The following PLEKHA8 variants were observed in gnomAD, a reference collection of about 807,000 sequenced individuals.
PLEKHA8 encodes pleckstrin homology domain containing A8.
In PLEKHA8, 36 loss-of-function variants were observed where a neutral mutation model predicts 68.2. The observed-to-expected ratio is 0.53, with a 90% CI of 0.40 to 0.70. The LOEUF (loss-of-function observed/expected upper bound fraction) is 0.70. Ranked by LOEUF, PLEKHA8 falls within the 30% of genes least tolerant of loss-of-function variation. PLEKHA8 has a pLI of 0.00. For synonymous variants in PLEKHA8, 211 were observed against 216.1 expected (o/e 0.98, Z 0.20); for missense variants, 505 against 615.4 (o/e 0.82, Z 1.90).
intron 9 of PLEKHA8, among the ~76,000 whole-genome samples, chr7:30,058,940 A>C (rs1311360302): frequency 1.3e-5 from 2 of 152,236 alleles, no homozygotes; most frequent in Non-Finnish European, 2.9e-5. Flanking sequence ...TGGCCTAGGC[A>C]ACAAAGTAAG....
At chr7:30,125,387 T>C (rs1230223611) in intron 13 of PLEKHA8, among the ~76,000 whole-genome samples, 1 of 152,226 alleles carries the variant, frequency 6.6e-6, no homozygotes. Flanking sequence ...TCTGACATTT[T>C]TTATTTACAA....
downstream of PLEKHA8, among the ~76,000 whole-genome samples, chr7:30,089,207 C>G (rs1399741301): frequency 1.3e-5 from 2 of 152,140 alleles, no homozygotes; most frequent in Non-Finnish European, 2.9e-5. Context: ...TCATATTTGG[C>G]TGGTACACAC....
chr7:30,035,851 T>C (rs932655093), intron 1 of PLEKHA8, among the ~76,000 whole-genome samples: 2 of 151,906 alleles, frequency 1.3e-5, no homozygotes, highest in Admixed American at 6.6e-5. Flanking sequence ...TTTCACCATG[T>C]TGGCTAGGCT....
intron 13 of PLEKHA8, among the ~76,000 whole-genome samples, chr7:30,126,228 A>C (rs1796770045): frequency 1.3e-5 from 2 of 152,344 alleles, no homozygotes; most frequent in Non-Finnish European, 1.5e-5. Flanking sequence ...TCAACCAAGA[A>C]AGACAGTCTC....
Position 30,082,879 on chromosome 7 carries a change from A to G in PLEKHA8, c.*4092A>G, listed in dbSNP as rs1490242081. 29 of 985,246 alleles carry G rather than the reference A, an allele frequency of 2.9e-5. No homozygotes were observed. The highest frequency in any genetic ancestry group is 1.2e-4 in the Admixed American group (2 of 16,246). 61.0% of individuals were successfully genotyped at this position (985,246 alleles called of 1,614,324 possible). On this transcript the variant is annotated 3_prime_UTR_variant, in exon 14 of 14. Transcript: ENST00000449726. ...GGCATTTGGGGAGCTTCCTGGAGGA[A>G]AATTAAGTTTTTTTCCTAGCAAACT... is the stretch of plus-strand genomic sequence containing the variant.
chr7:30,056,598 G>T (rs113483094), intron 9 of PLEKHA8, among the ~76,000 whole-genome samples: 1 of 146,832 alleles, frequency 6.8e-6, no homozygotes, highest in Non-Finnish European at 1.5e-5. Context: ...GTGTGGTGGC[G>T]CGCACCTGTA....
intron 13 of PLEKHA8, chr7:30,129,116 A>G: frequency 9.4e-7 from 1 of 1,061,628 alleles, no homozygotes; most frequent in Non-Finnish European, 1.4e-6. Flanking sequence ...TTTCTTCCTT[A>G]GCAATAAGAT....
chr7:30,035,588 A>G (rs1303607999), intron 1 of PLEKHA8, among the ~76,000 whole-genome samples: 2 of 151,944 alleles, frequency 1.3e-5, no homozygotes, highest in African/African-American at 4.8e-5. Flanking sequence ...TTAAAAGTTA[A>G]TTGTTCTTTT....
intron 1 of PLEKHA8, among the ~76,000 whole-genome samples, chr7:30,033,641 T>C (rs1402281325): frequency 2.0e-5 from 3 of 152,236 alleles, no homozygotes; most frequent in African/African-American, 7.2e-5. Context: ...AGACATGATT[T>C]CATTTCTCTT....
chr7:30,082,804 CA>C lies in PLEKHA8; in HGVS notation c.*4018del. On this transcript the variant is annotated 3_prime_UTR_variant, in exon 14 of 14. Coordinates refer to ENST00000449726, the MANE Select transcript of PLEKHA8 (RefSeq NM_001197026.2). ...GAAAATCATACATATGGAGAAACAT[CA>C]GATCAGGCAATAGAGTCAGAGGGTC... The C allele has an allele frequency of 1.0e-6, 1 of 985,104 alleles. No homozygotes were observed. The highest frequency in any genetic ancestry group is 1.2e-6 in the Non-Finnish European group (1 of 829,874). 61.0% of individuals were successfully genotyped at this position (985,104 alleles called of 1,614,324 possible).
At chr7:30,113,999 A>G (rs1796351797) in intron 13 of PLEKHA8, among the ~76,000 whole-genome samples, 1 of 151,956 alleles carries the variant, frequency 6.6e-6, no homozygotes, top group South Asian at 2.1e-4. Flanking sequence ...CCCAGGTTCA[A>G]GTGATTATCC....
At chr7:30,054,447 C>T (rs1212926965) in intron 7 of PLEKHA8, among the ~76,000 whole-genome samples, 1 of 151,972 alleles carries the variant, frequency 6.6e-6, no homozygotes, top group Non-Finnish European at 1.5e-5. Flanking sequence ...ATAACATGGT[C>T]ATTAAAATCA....
Position 30,084,341 on chromosome 7 carries a change from GTC to G in PLEKHA8, c.*5559_*5560del, listed in dbSNP as rs899591640. The G allele has an allele frequency of 3.0e-6, 3 of 985,324 alleles. No individual in the cohort carries two copies. The highest frequency in any genetic ancestry group is 1.7e-5 in the African/African-American group (1 of 57,328). 61.0% of individuals were successfully genotyped at this position (985,324 alleles called of 1,614,324 possible). Reference sequence around the variant, plus strand: ...TGCAGTGTTAATGTTACCTGTTCTTGTCTCTCAGCATTTTGAATGAGCATCAT... The same window carrying G: ...TGCAGTGTTAATGTTACCTGTTCTTGTCTCAGCATTTTGAATGAGCATCAT... On this transcript the variant is annotated 3_prime_UTR_variant, in exon 14 of 14. Transcript: ENST00000449726.
At chr7:30,059,428 A>G (rs528953219) in intron 9 of PLEKHA8, among the ~76,000 whole-genome samples, 1 of 152,140 alleles carries the variant, frequency 6.6e-6, no homozygotes, top group African/African-American at 2.4e-5. Flanking sequence ...TTTTCCTGTA[A>G]TTTGTTAATG....
In PLEKHA8 at chr7:30,046,223, T is replaced by G; in HGVS notation, c.171T>G (p.Asp57Glu). ...AVCEIQVHSV[D>E]NTRMDLIIPG... Reference sequence around the variant, plus strand: ...TCTTGCTCCCAGTTCATTCTGTAGATAATACACGCATGGACCTGATAATCC... The same window carrying G: ...TCTTGCTCCCAGTTCATTCTGTAGAGAATACACGCATGGACCTGATAATCC... The change falls in exon 3 of 14, where the codon GAT becomes GAG. Residue 57 changes from aspartate to glutamate, a missense_variant. Asp to Glu is a conservative substitution (Grantham distance 45). Coordinates refer to ENST00000449726, the MANE Select transcript of PLEKHA8 (RefSeq NM_001197026.2). 6.2e-7 allele frequency: 1 copy of G among 1,607,960 alleles called. No individual in the cohort carries two copies. Among genetic ancestry groups the G allele is most frequent in the Non-Finnish European group, 8.5e-7 (1 of 1,176,910 alleles).
At chr7:30,028,864 G>T in intron 1 of PLEKHA8, 62 bp downstream of exon 1, 1 of 1,244,424 alleles carries the variant, frequency 8.0e-7, no homozygotes, top group Non-Finnish European at 1.0e-6. Context: ...CGCGGCTGGA[G>T]GGCGGTGTCT....
At chr7:30,053,576 A>G (rs1466609787) in intron 7 of PLEKHA8, among the ~76,000 whole-genome samples, 2 of 152,232 alleles carry the variant, frequency 1.3e-5, no homozygotes, top group Admixed American at 6.5e-5. Context: ...CAATCCACAC[A>G]TCATTGGAGC....
rs976707152 is a variant in PLEKHA8 at position 30,084,533 on chromosome 7, T to C, written c.*5746T>C. The C allele has an allele frequency of 1.0e-6, 1 of 985,274 alleles. No individual in the cohort carries two copies. The highest frequency in any genetic ancestry group is 1.7e-5 in the African/African-American group (1 of 57,232). 61.0% of individuals were successfully genotyped at this position (985,274 alleles called of 1,614,324 possible). ...TGTATTGTTTCTCTGTCCAAGTCCT[T>C]ATTCTCTATCTTGTGGGGAGGGGTG... On this transcript the variant is annotated 3_prime_UTR_variant, in exon 14 of 14. Coordinates refer to ENST00000449726, the MANE Select transcript of PLEKHA8 (RefSeq NM_001197026.2).
intron 12 of PLEKHA8, 69 bp downstream of exon 12, chr7:30,062,811 C>T: frequency 8.4e-7 from 1 of 1,187,628 alleles, no homozygotes; most frequent in South Asian, 1.3e-5. Context: ...GAGGAGGATA[C>T]AGGGTATAGG....
Sources: allele counts gnomAD v4.1 joint callset (sites outside exome capture counted in the v4.1 genomes callset), GRCh38; gene constraint gnomAD v4.1.1; transcripts MANE v1.5; gene names NCBI Gene and HGNC (gene_info 2026-07-23, HGNC 2026-07-21).